AREL1: variants seen among roughly 807,000 people sequenced by gnomAD.
AREL1 encodes apoptosis resistant E3 ubiquitin protein ligase 1.
Under a neutral mutation model 99.0 loss-of-function variants are expected in AREL1, and 62 were observed. The observed-to-expected ratio is 0.63, with a 90% CI of 0.51 to 0.77. The LOEUF (loss-of-function observed/expected upper bound fraction) is 0.77. Among genes scored for constraint, AREL1 ranks in the 30% least tolerant of loss-of-function variants. AREL1 has a pLI of 0.00. For missense variants in AREL1, 879 were observed against 1,027.6 expected, an observed-to-expected ratio of 0.86 and a Z score of 1.98; for synonymous variants, 380 against 376.5, an observed-to-expected ratio of 1.01 and a Z score of -0.11.
At position 74,684,452 on chromosome 14, in the gene AREL1, A is replaced by C; in HGVS notation, c.243+2T>G. ...GGTATGGAGACAGAAACATTCCCTT[A>C]CATGCACTCGGAAGGCCATGCTGTG... On this transcript the variant is annotated splice_donor_variant, in intron 4 of 19. Coordinates refer to ENST00000356357, the MANE Select transcript of AREL1 (RefSeq NM_001039479.2). LOFTEE classifies it high-confidence loss of function. The C allele has an allele frequency of 6.2e-7, 1 of 1,613,892 alleles. No homozygotes were observed. Among genetic ancestry groups the C allele is most frequent in the Middle Eastern group, 1.7e-4 (1 of 6,058 alleles).
At chr14:74,664,167 G>A in intron 18 of AREL1, 93 bp from the exon 19 acceptor site, 2 of 1,378,118 alleles carry the variant, frequency 1.5e-6, no homozygotes, top group Non-Finnish European at 2.0e-6. Flanking sequence ...AAGTGGGGCT[G>A]TGCCCCAGTT....
In AREL1 at chr14:74,675,730, G is replaced by A. The variant is rs780191794; in HGVS notation, c.1049C>T (p.Pro350Leu). ...ECHTPEKVKK[P>L]KKVYCYVSPK... ...TGACACATAGCAGTACACCTTCTTCGGTTTCTTCACCTTCTCAGGGGTGTG... is the reference window on the plus strand; with the variant it reads ...TGACACATAGCAGTACACCTTCTTCAGTTTCTTCACCTTCTCAGGGGTGTG... The change falls in exon 8 of 20, where the codon CCG becomes CTG. Residue 350 changes from proline (P) to leucine (L), a missense_variant. Coordinates refer to ENST00000356357, the MANE Select transcript of AREL1 (RefSeq NM_001039479.2). The A allele has an allele frequency of 3.7e-6, 6 of 1,614,026 alleles. No individual in the cohort carries two copies. Among genetic ancestry groups the A allele is most frequent in the South Asian group, 2.2e-5 (2 of 91,070 alleles).
At chr14:74,695,634 C>T (rs928539664) in intron 1 of AREL1, among the ~76,000 whole-genome samples, 1 of 152,154 alleles carries the variant, frequency 6.6e-6, no homozygotes, top group Non-Finnish European at 1.5e-5. Flanking sequence ...CCACTTCCTC[C>T]TTTGTGGTGC....
chr14:74,666,221 C>G (rs943091457), intron 17 of AREL1, among the ~76,000 whole-genome samples: 1 of 152,176 alleles, frequency 6.6e-6, no homozygotes, highest in Non-Finnish European at 1.5e-5. Context: ...TAAAAGAAAA[C>G]CTTCCTCCCT....
chr14:74,665,817 G>A (rs2089198613), intron 17 of AREL1, among the ~76,000 whole-genome samples: 1 of 152,148 alleles, frequency 6.6e-6, no homozygotes, highest in Non-Finnish European at 1.5e-5. Flanking sequence ...TCTAACCAGA[G>A]ACAAGAAGAG....
At chr14:74,679,194 A>G (rs1273613228) in intron 5 of AREL1, among the ~76,000 whole-genome samples, 2 of 152,200 alleles carry the variant, frequency 1.3e-5, no homozygotes, top group South Asian at 2.1e-4. Context: ...TGCTCTGTGA[A>G]TAACTCTGTT....
At chr14:74,676,866 G>T in intron 5 of AREL1, 114 bp from the exon 6 acceptor site, 1 of 834,826 alleles carries the variant, frequency 1.2e-6, no homozygotes, top group South Asian at 2.9e-5. Context: ...GCGCAATCTC[G>T]GCTCACTGCA....
chr14:74,675,576 T>C lies in AREL1; in HGVS notation c.1080+123A>G, dbSNP rs1369967784. The C allele has an allele frequency of 7.3e-6, 10 of 1,369,172 alleles. No homozygotes were observed. In the South Asian group the frequency reaches 8.8e-5, roughly 12 times the overall value. 84.8% of individuals were successfully genotyped at this position (1,369,172 alleles called of 1,614,324 possible). A position where few individuals can be genotyped will look rare whatever the true frequency, so the allele number is the denominator to read the frequency against. Reference sequence around the variant, plus strand: ...TTTTTAACAGTTGAAAGTGGCTTTCTATACAACTAGTTAACAATCTTGCCC... The same window carrying C: ...TTTTTAACAGTTGAAAGTGGCTTTCCATACAACTAGTTAACAATCTTGCCC... On this transcript the variant is annotated intron_variant, in intron 8 of 19. Transcript: ENST00000356357.
At position 74,667,374 on chromosome 14, in the gene AREL1, A is replaced by C. The variant is rs1158974217; in HGVS notation, c.2048T>G (p.Leu683Arg). 1 of 1,614,216 alleles carries C rather than the reference A, an allele frequency of 6.2e-7. No homozygotes were observed. Among genetic ancestry groups the C allele is most frequent in the Admixed American group, 1.7e-5 (1 of 60,022 alleles). The change falls in exon 17 of 20, where the codon CTG becomes CGG. Residue 683 changes from leucine (L) to arginine (R), a missense_variant. Transcript: ENST00000356357. ...AAGGTTCTCAGGGACCAATTCATTC[A>C]GGCCTGAAACAAAGTAGGCAAGTTA... ...KEEVEHFLKGLNELVPENLLA... is the reference protein window; with the variant it reads ...KEEVEHFLKGRNELVPENLLA...
In AREL1 at chr14:74,689,587, C is replaced by CTTTTTT. The variant is rs1185444870; in HGVS notation, c.-46+2453_-46+2454insAAAAAA. On this transcript the variant is annotated intron_variant, in intron 2 of 19. Transcript: ENST00000356357. ...CATTGTTTTTATTTATCTTATAGCACTTTTCTTTTTTTTTTTTTTTTTTTT... is the reference window on the plus strand; with the variant it reads ...CATTGTTTTTATTTATCTTATAGCACTTTTTTTTTTCTTTTTTTTTTTTTTTTTTTT... Among the ~76,000 whole-genome samples the CTTTTTT allele has an allele frequency of 1.6e-4, 18 of 113,734 alleles. 1 individual carries two copies. The highest frequency in any genetic ancestry group is 2.7e-4 in the East Asian group (1 of 3,666). The allele number at this position is 113,734 out of a possible 152,430, so 74.6% of individuals were successfully genotyped here. A position where few individuals can be genotyped will look rare whatever the true frequency, so the allele number is the denominator to read the frequency against.
chr14:74,666,996 A>G (rs1306060430), intron 17 of AREL1, among the ~76,000 whole-genome samples: 1 of 152,220 alleles, frequency 6.6e-6, no homozygotes, highest in East Asian at 1.9e-4. Context: ...CTGGGATTAC[A>G]GAAGTGAGCC....
At chr14:74,691,324 T>TG (rs1555360006) in intron 2 of AREL1, among the ~76,000 whole-genome samples, 6 of 72,808 alleles carry the variant, frequency 8.2e-5, no homozygotes, top group African/African-American at 3.5e-4. Flanking sequence ...TGTCTCCATT[T>TG]AAAAAAAAAA....
intron 17 of AREL1, among the ~76,000 whole-genome samples, chr14:74,666,217 A>G (rs926057662): frequency 6.6e-6 from 1 of 152,240 alleles, no homozygotes; most frequent in Non-Finnish European, 1.5e-5. Context: ...ATTTTAAAAG[A>G]AAACCTTCCT....
intron 1 of AREL1, among the ~76,000 whole-genome samples, chr14:74,698,295 T>A (rs1433778004): frequency 1.3e-5 from 2 of 152,178 alleles, no homozygotes; most frequent in Non-Finnish European, 2.9e-5. Flanking sequence ...ATCCTAGATA[T>A]CTATATTTAT....
chr14:74,664,578 C>T (rs1047073916), intron 18 of AREL1, among the ~76,000 whole-genome samples: 27 of 148,404 alleles, frequency 1.8e-4, no homozygotes, highest in African/African-American at 6.7e-4. Flanking sequence ...TCTCGAGTAG[C>T]TGGGACTACA....
At chr14:74,709,737 G>C (rs1202351318) in intron 1 of AREL1, among the ~76,000 whole-genome samples, 1 of 152,176 alleles carries the variant, frequency 6.6e-6, no homozygotes, top group Non-Finnish European at 1.5e-5. Context: ...GTCCTATCAT[G>C]TAAGTCAGAA....
chr14:74,693,916 C>T (rs1345890889), intron 1 of AREL1, among the ~76,000 whole-genome samples: 4 of 152,202 alleles, frequency 2.6e-5, no homozygotes, highest in South Asian at 2.1e-4. Flanking sequence ...GTAGTTCACG[C>T]CTGTAATCCC....
chr14:74,676,190 G>A lies in AREL1; in HGVS notation c.783C>T (p.Tyr261=), dbSNP rs201493689. The change falls in exon 7 of 20, where the codon TAC becomes TAT. Residue 261 remains tyrosine, a synonymous_variant. Coordinates refer to ENST00000356357, the MANE Select transcript of AREL1 (RefSeq NM_001039479.2). ...SRGCFHACIS[Y]QNQPINNGEF... ...CACCATTATTGATTGGCTGATTTTGGTATGAAATGCAAGCATGGAAGCAGC... is the reference window on the plus strand; with the variant it reads ...CACCATTATTGATTGGCTGATTTTGATATGAAATGCAAGCATGGAAGCAGC... 280 of 1,614,026 alleles carry A rather than the reference G, an allele frequency of 1.7e-4. No homozygotes were observed. Among genetic ancestry groups the A allele is most frequent in the Non-Finnish European group, 2.2e-4 (260 of 1,180,014 alleles).
At chr14:74,696,511 T>C (rs1168956614) in intron 1 of AREL1, among the ~76,000 whole-genome samples, 2 of 152,128 alleles carry the variant, frequency 1.3e-5, no homozygotes, top group African/African-American at 4.8e-5. Context: ...CTATAACACA[T>C]ACTACTAACT....
Sources: allele counts gnomAD v4.1 joint callset (sites outside exome capture counted in the v4.1 genomes callset), GRCh38; gene constraint gnomAD v4.1.1; transcripts MANE v1.5; gene names NCBI Gene and HGNC (gene_info 2026-07-23, HGNC 2026-07-21).